ARL6IP6: variants seen among roughly 807,000 people sequenced by gnomAD.
The protein encoded by ARL6IP6 is ADP-ribosylation factor-like protein 6-interacting protein 6.
In ARL6IP6, 22 loss-of-function variants were observed where a neutral mutation model predicts 21.5. The ratio of observed to expected loss-of-function variants is 1.02; its 90% CI spans 0.73 to 1.46. The LOEUF (loss-of-function observed/expected upper bound fraction) is 1.46, where lower values mean the gene tolerates loss of function less well. ARL6IP6 is among the 40% of genes most tolerant of loss of function. The pLI, the probability that ARL6IP6 is intolerant of heterozygous loss-of-function variation, is 0.00. For missense variants in ARL6IP6, 388 were observed against 299.8 expected (o/e 1.29, Z -2.17); for synonymous variants, 164 against 125.3 (o/e 1.31, Z -2.06).
chr2:152,718,200 G>C, upstream of ARL6IP6: 1 of 515,766 alleles, frequency 1.9e-6, no homozygotes, highest in Non-Finnish European at 2.5e-6. Flanking sequence ...AATAGGTTCG[G>C]GAATGTGTCT....
At chr2:152,734,403 G>T (rs1367071099) in intron 2 of ARL6IP6, among the ~76,000 whole-genome samples, 1 of 152,212 alleles carries the variant, frequency 6.6e-6, no homozygotes, top group Non-Finnish European at 1.5e-5. Flanking sequence ...AGTTTCAAAA[G>T]TGCATGGCGT....
At position 152,718,858 on chromosome 2, in the gene ARL6IP6, C is replaced by A; in HGVS notation, c.234C>A (p.Asn78Lys). The change falls in exon 1 of 4, where the codon AAC becomes AAA. Residue 78 changes from asparagine (N) to lysine (K), a missense_variant. Asn to Lys is a moderately conservative substitution (Grantham distance 94, BLOSUM62 0). Transcript: ENST00000326446. ...GCTCGGTGCTCCCGCCGGACGGGAA[C>A]GGGTCGCCCGTTCTGCCCGATAAGC... ...RKRSVLPPDGNGSPVLPDKRN... is the reference protein window; with the variant it reads ...RKRSVLPPDGKGSPVLPDKRN... 1.2e-6 allele frequency: 2 copies of A among 1,613,110 alleles called. No individual in the cohort carries two copies. Among genetic ancestry groups the A allele is most frequent in the Admixed American group, 1.7e-5 (1 of 59,912 alleles).
chr2:152,725,935 G>C (rs1338072034), intron 2 of ARL6IP6, among the ~76,000 whole-genome samples: 3 of 151,946 alleles, frequency 2.0e-5, no homozygotes, highest in Middle Eastern at 3.4e-3. Context: ...GAAAATAAAG[G>C]AAATAAAAAA....
intron 1 of ARL6IP6, chr2:152,720,252 A>T (rs1699718516): frequency 6.6e-6 from 3 of 451,514 alleles, no homozygotes; most frequent in Non-Finnish European, 1.2e-5. Flanking sequence ...AGAGAAAGGA[A>T]CTGAACTCCA....
chr2:152,744,350 A>C (rs995551459), intron 3 of ARL6IP6, among the ~76,000 whole-genome samples: 1 of 152,108 alleles, frequency 6.6e-6, no homozygotes, highest in Admixed American at 6.5e-5. Context: ...TGGAAGACAC[A>C]GTTGAATGTC....
intron 2 of ARL6IP6, among the ~76,000 whole-genome samples, chr2:152,731,596 T>C (rs1422642305): frequency 6.6e-6 from 1 of 152,172 alleles, no homozygotes; most frequent in Non-Finnish European, 1.5e-5. Flanking sequence ...GTTCAAAAAG[T>C]ACTACCTGAC....
intron 2 of ARL6IP6, among the ~76,000 whole-genome samples, chr2:152,729,443 T>C (rs116207969): frequency 3.9e-5 from 6 of 152,312 alleles, no homozygotes; most frequent in Non-Finnish European, 7.3e-5. Context: ...GTGTATTTAT[T>C]TAAAAGCCTG....
chr2:152,732,668 C>G (rs1700375057), intron 2 of ARL6IP6: 1 of 351,680 alleles, frequency 2.8e-6, no homozygotes, highest in African/African-American at 2.2e-5. Flanking sequence ...TACCTATATA[C>G]AGTTGTCCCT....
intron 3 of ARL6IP6, among the ~76,000 whole-genome samples, chr2:152,755,221 C>T (rs920780604): frequency 2.6e-5 from 4 of 152,178 alleles, no homozygotes; most frequent in Admixed American, 6.5e-5. Context: ...TGCGAAGACA[C>T]GCGTTGCCAA....
rs2105204777 is a variant in ARL6IP6 at position 152,761,296 on chromosome 2, T to G, written c.*1456T>G. 1 of 152,228 alleles carries G rather than the reference T, an allele frequency of 6.6e-6. No homozygotes were observed. Among genetic ancestry groups the G allele is most frequent in the South Asian group, 2.1e-4 (1 of 4,824 alleles). The allele number at this position is 152,228 out of a possible 1,614,324, so 9.4% of individuals were successfully genotyped here. ...CTAAATATCAATCCCATGGCTTAAG[T>G]ATTCCTACCAGAGTGGTGGTTGCCA... On this transcript the variant is annotated 3_prime_UTR_variant, in exon 4 of 4. Transcript: ENST00000326446.
chr2:152,753,108 C>T (rs1040868712), intron 3 of ARL6IP6, among the ~76,000 whole-genome samples: 1 of 151,948 alleles, frequency 6.6e-6, no homozygotes, highest in Non-Finnish European at 1.5e-5. Context: ...CACTGCAGTC[C>T]CGCCTGGGTA....
chr2:152,759,636 A>G (rs1701739098), intron 3 of ARL6IP6, 111 bp from the exon 4 acceptor site: 3 of 785,476 alleles, frequency 3.8e-6, no homozygotes, highest in South Asian at 3.2e-5. Flanking sequence ...ATATGTGAAC[A>G]TTTGGGAAAT....
At chr2:152,738,886 TAGTC>T (rs57342707) in intron 3 of ARL6IP6, among the ~76,000 whole-genome samples, 6,354 of 152,242 alleles carry the variant, frequency 0.042, 280 homozygotes, top group African/African-American at 0.11. Context: ...TTCTGTCACA[TAGTC>T]AGGCTGCAAA....
intron 2 of ARL6IP6, among the ~76,000 whole-genome samples, chr2:152,728,836 G>A (rs527466092): frequency 1.3e-5 from 2 of 152,158 alleles, no homozygotes; most frequent in South Asian, 2.1e-4. Context: ...CCAGGCAGGC[G>A]GATCATGAGG....
Position 152,734,975 on chromosome 2 carries a change from C to T in ARL6IP6, c.455-19C>T, listed in dbSNP as rs1428585981. On this transcript the variant is annotated intron_variant, in intron 2 of 3. Transcript: ENST00000326446. ...TTGGTGTTAATAATGTACTTTTTCCCCTCTCTTTTCCTGTTAAGGATTCTG... is the reference window on the plus strand; with the variant it reads ...TTGGTGTTAATAATGTACTTTTTCCTCTCTCTTTTCCTGTTAAGGATTCTG... The T allele has an allele frequency of 3.1e-6, 5 of 1,602,086 alleles. No homozygotes were observed. Among genetic ancestry groups the T allele is most frequent in the Non-Finnish European group, 8.5e-7 (1 of 1,171,636 alleles).
chr2:152,733,074 C>T lies in ARL6IP6; in HGVS notation c.455-1920C>T, dbSNP rs1202315636. 2.0e-5 allele frequency among the ~76,000 whole-genome samples: 3 copies of T among 152,020 alleles called. No individual in the cohort carries two copies. In the East Asian group the frequency reaches 5.8e-4, roughly 29 times the overall value. ...CTATAAATGACTTTTCCAGTTTTTC[C>T]AATGATTGCTTCTACAACTTTATAT... On this transcript the variant is annotated intron_variant, in intron 2 of 3. Coordinates refer to ENST00000326446, the MANE Select transcript of ARL6IP6 (RefSeq NM_152522.7).
rs1559250058 is a variant in ARL6IP6 at position 152,761,904 on chromosome 2, AC to A, written c.*2066del. ...CATTAAGCCAAACATGACTATATAT[AC>A]CTACAAGATATATATTAATATAGAT... On this transcript the variant is annotated 3_prime_UTR_variant, in exon 4 of 4. Coordinates refer to ENST00000326446, the MANE Select transcript of ARL6IP6 (RefSeq NM_152522.7). 6.6e-6 allele frequency among the ~76,000 whole-genome samples: 1 copy of A among 152,126 alleles called. No individual in the cohort carries two copies. Among genetic ancestry groups the A allele is most frequent in the Non-Finnish European group, 1.5e-5 (1 of 68,040 alleles).
intron 1 of ARL6IP6, chr2:152,720,104 C>CATGGAATGTA: frequency 1.3e-3 from 25 of 19,106 alleles, no homozygotes; most frequent in Middle Eastern, 5.1e-3. Flanking sequence ...CCCTTTTTTG[C>CATGGAATGTA]AATTCTGATA....
chr2:152,758,771 A>G (rs531530798), intron 3 of ARL6IP6, among the ~76,000 whole-genome samples: 9 of 152,146 alleles, frequency 5.9e-5, no homozygotes, highest in Non-Finnish European at 1.3e-4. Context: ...TGGAATCACT[A>G]TGAGGTGCTC....
Sources: allele counts gnomAD v4.1 joint callset (sites outside exome capture counted in the v4.1 genomes callset), GRCh38; gene constraint gnomAD v4.1.1; transcripts MANE v1.5; gene names NCBI Gene and HGNC (gene_info 2026-07-23, HGNC 2026-07-21).